The following PDGFD variants were observed in gnomAD, a reference collection of about 807,000 sequenced individuals.
PDGFD encodes the protein platelet-derived growth factor D.
In PDGFD, 30 loss-of-function variants were observed where a neutral mutation model predicts 44.7. The ratio of observed to expected loss-of-function variants is 0.67; its 90% CI spans 0.50 to 0.91. The LOEUF (loss-of-function observed/expected upper bound fraction) is 0.91, where lower values mean the gene tolerates loss of function less well. Among genes scored for constraint, PDGFD ranks in the 40% least tolerant of loss-of-function variants. PDGFD has a pLI of 0.00. For missense variants in PDGFD, 445 were observed against 457.8 expected (o/e 0.97, Z 0.25); for synonymous variants, 173 against 168.4 (o/e 1.03, Z -0.21).
At chr11:103,936,800 A>G (rs1858494799) in intron 5 of PDGFD, among the ~76,000 whole-genome samples, 1 of 151,346 alleles carries the variant, frequency 6.6e-6, no homozygotes, top group Non-Finnish European at 1.5e-5. Context: ...CTCAATATTA[A>G]AATACTGTTT....
At chr11:104,139,330 G>T (rs997463384) in intron 1 of PDGFD, among the ~76,000 whole-genome samples, 1 of 152,036 alleles carries the variant, frequency 6.6e-6, no homozygotes, top group Non-Finnish European at 1.5e-5. Flanking sequence ...AATACATGGA[G>T]GCTGCCGGGG....
At chr11:104,135,654 T>C (rs1455243831) in intron 1 of PDGFD, among the ~76,000 whole-genome samples, 1 of 152,022 alleles carries the variant, frequency 6.6e-6, no homozygotes, top group Non-Finnish European at 1.5e-5. Context: ...CTCCTTGCAG[T>C]GTGGAGGATG....
At chr11:104,155,810 A>G (rs769889360) in intron 1 of PDGFD, among the ~76,000 whole-genome samples, 17 of 152,222 alleles carry the variant, frequency 1.1e-4, no homozygotes, top group Non-Finnish European at 2.4e-4. Context: ...TGTTTCAATG[A>G]AATGCAGGAC....
intron 3 of PDGFD, among the ~76,000 whole-genome samples, chr11:103,963,220 A>G (rs1307555533): frequency 6.6e-6 from 1 of 152,140 alleles, no homozygotes; most frequent in Non-Finnish European, 1.5e-5. Context: ...CAAACTTACA[A>G]TGGCCTAATG....
intron 1 of PDGFD, among the ~76,000 whole-genome samples, chr11:104,079,623 A>G (rs958367313): frequency 6.6e-6 from 1 of 152,060 alleles, no homozygotes; most frequent in African/African-American, 2.4e-5. Context: ...TCCCGACCTC[A>G]TTATCCACCT....
chr11:104,089,190 T>C (rs566488584), intron 1 of PDGFD, among the ~76,000 whole-genome samples: 13 of 152,266 alleles, frequency 8.5e-5, no homozygotes, highest in South Asian at 2.1e-4. Flanking sequence ...TCCTGAAATA[T>C]TGAAACAATT....
At chr11:103,929,077 ACACTG>A (rs1858361204) in intron 5 of PDGFD, among the ~76,000 whole-genome samples, 1 of 152,218 alleles carries the variant, frequency 6.6e-6, no homozygotes, top group Non-Finnish European at 1.5e-5. Context: ...GCAAGCGGCA[ACACTG>A]AGTCTCTGCT....
intron 1 of PDGFD, among the ~76,000 whole-genome samples, chr11:104,050,438 C>T (rs1193761546): frequency 6.6e-6 from 1 of 152,064 alleles, no homozygotes; most frequent in Non-Finnish European, 1.5e-5. Flanking sequence ...CCCGAGGGCC[C>T]GCTTGAGATT....
At chr11:104,028,884 A>G (rs1264023328) in intron 1 of PDGFD, among the ~76,000 whole-genome samples, 1 of 152,148 alleles carries the variant, frequency 6.6e-6, no homozygotes, top group African/African-American at 2.4e-5. Context: ...AAAAAAATCA[A>G]TGATACTATC....
intron 3 of PDGFD, among the ~76,000 whole-genome samples, chr11:103,974,806 T>TCATG (rs1359098221): frequency 6.6e-6 from 1 of 152,156 alleles, no homozygotes; most frequent in Non-Finnish European, 1.5e-5. Flanking sequence ...TCATCCATGT[T>TCATG]GCTGCAAAAG....
intron 1 of PDGFD, among the ~76,000 whole-genome samples, chr11:104,055,807 G>T (rs568494754): frequency 1.1e-4 from 16 of 152,176 alleles, no homozygotes; most frequent in African/African-American, 3.9e-4. Context: ...TAATGGAACC[G>T]TTGCCATAGA....
intron 1 of PDGFD, among the ~76,000 whole-genome samples, chr11:104,070,146 TG>T (rs1177591731): frequency 2.6e-5 from 4 of 152,204 alleles, no homozygotes; most frequent in Non-Finnish European, 5.9e-5. Context: ...GGACTTTCCT[TG>T]CCCCAGCCCT....
intron 4 of PDGFD, chr11:103,946,692 G>A (rs1187563439): frequency 6.6e-6 from 1 of 152,246 alleles, no homozygotes; most frequent in Non-Finnish European, 1.5e-5. Context: ...CCTACACCAA[G>A]TTAGGTTCAG....
At chr11:103,943,869 T>G (rs1374093423) in intron 4 of PDGFD, among the ~76,000 whole-genome samples, 1 of 152,118 alleles carries the variant, frequency 6.6e-6, no homozygotes, top group East Asian at 1.9e-4. Context: ...GTAAATCAAA[T>G]CCAAGTAGAT....
At chr11:103,946,581 T>C (rs951364384) in intron 4 of PDGFD, 15 of 152,286 alleles carry the variant, frequency 9.8e-5, no homozygotes, top group African/African-American at 3.6e-4. Flanking sequence ...TGCTGGTGTC[T>C]GCCTTGAGTT....
At chr11:104,095,486 C>G (rs997352468) in intron 1 of PDGFD, among the ~76,000 whole-genome samples, 1 of 152,022 alleles carries the variant, frequency 6.6e-6, no homozygotes, top group African/African-American at 2.4e-5. Context: ...CTTTCAGTCA[C>G]CAAAAGACCC....
At position 104,036,771 on chromosome 11, in the gene PDGFD, G is replaced by T. The variant is rs371355336; in HGVS notation, c.125-36516C>A. ...CAACGACGCAGGCCCGCCCCAGCCC[G>T]CCAGTGAGCCGCCCATGCCCTCTGC... On this transcript the variant is annotated intron_variant, in intron 1 of 6. Transcript: ENST00000393158. 1.1e-5 allele frequency: 16 copies of T among 1,464,446 alleles called. No individual in the cohort carries two copies. The African/African-American group carries it at 2.1e-4, about 19-fold the overall frequency. 90.7% of individuals were successfully genotyped at this position (1,464,446 alleles called of 1,614,324 possible). A position where few individuals can be genotyped will look rare whatever the true frequency, so the allele number is the denominator to read the frequency against.
chr11:103,926,556 G>A (rs1219889773), intron 6 of PDGFD, among the ~76,000 whole-genome samples: 3 of 152,120 alleles, frequency 2.0e-5, no homozygotes, highest in African/African-American at 4.8e-5. Context: ...AGATTGTGCC[G>A]TCATATCCTG....
chr11:104,158,276 A>G, intron 1 of PDGFD, among the ~76,000 whole-genome samples: 1 of 152,370 alleles, frequency 6.6e-6, no homozygotes, highest in South Asian at 2.1e-4. Context: ...TCTGTTGAAG[A>G]AGGGGTGGAG....
Sources: allele counts gnomAD v4.1 joint callset (sites outside exome capture counted in the v4.1 genomes callset), GRCh38; gene constraint gnomAD v4.1.1; transcripts MANE v1.5; gene names NCBI Gene and HGNC (gene_info 2026-07-23, HGNC 2026-07-21).